ABL1: variants seen among roughly 807,000 people sequenced by gnomAD.
ABL1 encodes ABL proto-oncogene 1, non-receptor tyrosine kinase, also known as tyrosine-protein kinase ABL1.
A neutral mutation model predicts 94.7 loss-of-function variants in ABL1; 11 were observed. The ratio of observed to expected loss-of-function variants is 0.12; its 90% CI spans 0.07 to 0.19. ABL1 has a LOEUF of 0.19. Among genes scored for constraint, ABL1 ranks in the 10% least tolerant of loss-of-function variants. The pLI is 1.00. For synonymous variants in ABL1, 656 were observed against 622.4 expected (o/e 1.05, Z -0.80); for missense variants, 1,082 against 1,489.4 (o/e 0.73, Z 4.50).
chr9:130,806,899 C>T (rs891852360), intron 1 of ABL1, among the ~76,000 whole-genome samples: 8 of 152,076 alleles, frequency 5.3e-5, no homozygotes, highest in Non-Finnish European at 8.8e-5. Context: ...GCCTGTAATT[C>T]CAGCACTTTG....
Position 130,823,641 on chromosome 9 carries a change from A to G in ABL1, c.137-30423A>G, listed in dbSNP as rs144912129. Among the ~76,000 whole-genome samples, 610 of 152,242 alleles carry G rather than the reference A, an allele frequency of 4.0e-3. 2 individuals carry two copies. The highest frequency in any genetic ancestry group is 0.014 in the Middle Eastern group (4 of 294). ...CTCACAGGCAGTGGACACCAGAAAG[A>G]GGAGAGGGAGTGCGTGCCTGTTGCT... On this transcript the variant is annotated intron_variant, in intron 1 of 10. Coordinates refer to the ABL1 transcript ENST00000372348.
At chr9:130,874,011 G>A (rs921240954) in intron 6 of ABL1, among the ~76,000 whole-genome samples, 1 of 152,180 alleles carries the variant, frequency 6.6e-6, no homozygotes, top group Non-Finnish European at 1.5e-5. Flanking sequence ...TGGTTTGCCT[G>A]GCACGGCCGG....
At chr9:130,838,134 T>G (rs1430096169) in intron 1 of ABL1, among the ~76,000 whole-genome samples, 2 of 152,246 alleles carry the variant, frequency 1.3e-5, no homozygotes, top group Non-Finnish European at 2.9e-5. Context: ...TATTTCCATT[T>G]TATAGATGAG....
rs1490526472 is a variant in ABL1, at chr9:130,880,881, C to T, written c.1678+217C>T. ...GAGAGTCCCCGAGGAGCATAGGCTC[C>T]AGCAGTGAGTTCAGTCCTGTAGGCA... On this transcript the variant is annotated intron_variant, in intron 10 of 10. Coordinates refer to ENST00000318560, the MANE Select transcript of ABL1 (RefSeq NM_005157.6). The surrounding 1 kb of genome is among the most constrained non-coding windows in gnomAD (Gnocchi z 4.4). 6.6e-6 allele frequency among the ~76,000 whole-genome samples: 1 copy of T among 152,252 alleles called. No individual in the cohort carries two copies. Among genetic ancestry groups the T allele is most frequent in the Admixed American group, 6.5e-5 (1 of 15,288 alleles).
intron 1 of ABL1, among the ~76,000 whole-genome samples, chr9:130,737,058 A>C (rs1292599961): frequency 6.6e-6 from 1 of 151,996 alleles, no homozygotes; most frequent in Non-Finnish European, 1.5e-5. Flanking sequence ...CCCAGGGGTT[A>C]ATTTAATTGG....
chr9:130,713,800 T>C (rs1193244604), exon 1 of ABL1: 1 of 213,048 alleles, frequency 4.7e-6, no homozygotes, highest in East Asian at 7.0e-5. Context: ...CGTGTCCTTT[T>C]CCGGAGAGCA....
At chr9:130,830,528 C>G (rs1830482358), upstream of ABL1, among the ~76,000 whole-genome samples, 1 of 152,166 alleles carries the variant, frequency 6.6e-6, no homozygotes, top group Non-Finnish European at 1.5e-5. Context: ...GTTTCTTTCT[C>G]TTCATAAAAT....
chr9:130,797,235 C>CG (rs1829988785), intron 1 of ABL1, among the ~76,000 whole-genome samples: 2 of 46,756 alleles, frequency 4.3e-5, no homozygotes, highest in African/African-American at 1.0e-4. Context: ...GACTCCATCT[C>CG]GAAAAAAAAA....
chr9:130,759,767 A>G (rs1367300367), intron 1 of ABL1, among the ~76,000 whole-genome samples: 1 of 151,972 alleles, frequency 6.6e-6, no homozygotes, highest in Non-Finnish European at 1.5e-5. Flanking sequence ...TTCTTCCCCT[A>G]GGACACGCTG....
intron 1 of ABL1, among the ~76,000 whole-genome samples, chr9:130,780,557 G>T (rs1226485996): frequency 6.6e-6 from 1 of 152,144 alleles, no homozygotes. Flanking sequence ...ACTCGTACCT[G>T]CTATTTCTAG....
At chr9:130,843,996 C>A (rs946067268) in intron 1 of ABL1, among the ~76,000 whole-genome samples, 8 of 152,104 alleles carry the variant, frequency 5.3e-5, no homozygotes. Context: ...AAACATGTCC[C>A]ATGTTAGCTG....
Position 130,862,794 on chromosome 9 carries a change from C to A in ABL1, c.581C>A (p.Thr194Asn). The A allele has an allele frequency of 6.2e-7, 1 of 1,614,112 alleles. No individual in the cohort carries two copies. Reference protein sequence around the residue: ...LYVSSESRFNTLAELVHHHST... With the variant: ...LYVSSESRFNNLAELVHHHST... ...GTCTCCTCCGAGAGCCGCTTCAACA[C>A]CCTGGCCGAGTTGGTTCATCATCAT... Residue 194 changes from threonine to asparagine, a missense_variant, in exon 4 of 11, where the codon ACC becomes AAC. By Grantham distance (65) the Thr-to-Asn change is moderately conservative. This residue lies in a region of ABL1 where 22 missense variants were observed against 23.0 expected (regional missense o/e 0.96). Coordinates refer to ENST00000318560, the MANE Select transcript of ABL1 (RefSeq NM_005157.6). This position sits in a 1 kb window ranked among gnomAD's most constrained non-coding sequence, Gnocchi z 5.5.
At chr9:130,717,407 A>C (rs1831456349) in intron 1 of ABL1, among the ~76,000 whole-genome samples, 1 of 152,164 alleles carries the variant, frequency 6.6e-6, no homozygotes, top group East Asian at 1.9e-4. Flanking sequence ...AGATCCATTC[A>C]AAGTGCAAAA....
intron 1 of ABL1, among the ~76,000 whole-genome samples, chr9:130,836,659 A>G (rs931189502): frequency 2.6e-5 from 4 of 152,060 alleles, no homozygotes; most frequent in African/African-American, 9.7e-5. Context: ...CCCTATTTCT[A>G]CTAAAAATAC....
intron 4 of ABL1, among the ~76,000 whole-genome samples, chr9:130,869,115 C>T (rs897303628): frequency 4.0e-5 from 6 of 151,698 alleles, no homozygotes; most frequent in African/African-American, 9.7e-5. Context: ...TGCAGTGAGC[C>T]GAGATCGCGC....
intron 1 of ABL1, among the ~76,000 whole-genome samples, chr9:130,786,297 T>C (rs1371658101): frequency 6.6e-6 from 1 of 152,120 alleles, no homozygotes; most frequent in African/African-American, 2.4e-5. Flanking sequence ...AGGAGAAATA[T>C]TGGCTCTGTG....
At chr9:130,799,569 C>A (rs1202626853) in intron 1 of ABL1, among the ~76,000 whole-genome samples, 3 of 152,102 alleles carry the variant, frequency 2.0e-5, no homozygotes, top group African/African-American at 7.2e-5. Flanking sequence ...CAAAAAAATA[C>A]GGATTAGATA....
chr9:130,750,387 C>T (rs1237370047), intron 1 of ABL1, among the ~76,000 whole-genome samples: 2 of 141,468 alleles, frequency 1.4e-5, no homozygotes, highest in Admixed American at 7.1e-5. Flanking sequence ...TTCCCTCCTT[C>T]CCTCCTTCCC....
chr9:130,830,019 C>A (rs1299018704), intron 1 of ABL1, among the ~76,000 whole-genome samples: 1 of 152,078 alleles, frequency 6.6e-6, no homozygotes, highest in African/African-American at 2.4e-5. Context: ...TTTTTTATTA[C>A]CAGATTTTTA....
Sources: gnomAD v4.1 joint callset for allele counts (sites outside exome capture counted in the v4.1 genomes callset) on GRCh38, gnomAD v4.1.1 for gene constraint, gnomAD v4.1.1 regional missense constraint, Gnocchi (gnomAD v3.1) non-coding constraint, MANE v1.5 for transcripts, NCBI Gene and HGNC (gene_info 2026-07-23, HGNC 2026-07-21) for gene names.